The following ABI3BP variants were observed in gnomAD, a reference collection of about 807,000 sequenced individuals.
ABI3BP encodes the protein ABI family member 3 binding protein.
Under a neutral mutation model 268.6 loss-of-function variants are expected in ABI3BP, and 216 were observed. The observed-to-expected ratio is 0.80, with a 90% CI of 0.72 to 0.90. ABI3BP has a LOEUF of 0.90. Ranked by LOEUF, ABI3BP falls within the 40% of genes least tolerant of loss-of-function variation. The pLI, the probability that ABI3BP is intolerant of heterozygous loss-of-function variation, is 0.00. For synonymous variants in ABI3BP, 730 were observed against 730.0 expected, an observed-to-expected ratio of 1.00 and a Z score of 0.00; for missense variants, 2,090 against 2,182.4, an observed-to-expected ratio of 0.96 and a Z score of 0.84.
intron 38 of ABI3BP, among the ~76,000 whole-genome samples, 160 bp downstream of exon 38, chr3:100,822,429 G>A (rs2098257465): frequency 6.6e-6 from 1 of 152,218 alleles, no homozygotes; most frequent in Admixed American, 6.5e-5. Flanking sequence ...TCTCCTAACA[G>A]TGTTTCTCTT....
At chr3:100,782,171 G>A (rs949946826) in intron 57 of ABI3BP, among the ~76,000 whole-genome samples, 1 of 152,164 alleles carries the variant, frequency 6.6e-6, no homozygotes, top group Admixed American at 6.5e-5. Flanking sequence ...GCCATGCCAC[G>A]GGTGTGTGGG....
chr3:100,897,702 T>G lies in ABI3BP; in HGVS notation c.461+1060A>C, dbSNP rs574765474. Among the ~76,000 whole-genome samples the G allele has an allele frequency of 2.6e-5, 4 of 152,352 alleles. No homozygotes were observed. The East Asian group carries it at 7.7e-4, about 29-fold the overall frequency. On this transcript the variant is annotated intron_variant, in intron 4 of 67. Transcript: ENST00000471714. ...AATTTTTCTGTTTCCTGATGGGTATTGGATACATGGTTATAGGCATTTGTC... is the reference window on the plus strand; with the variant it reads ...AATTTTTCTGTTTCCTGATGGGTATGGGATACATGGTTATAGGCATTTGTC...
intron 28 of ABI3BP, 117 bp downstream of exon 28, chr3:100,835,484 G>T: frequency 1.3e-6 from 1 of 760,150 alleles, no homozygotes; most frequent in African/African-American, 1.8e-5. Context: ...ATAGTTCAAT[G>T]ACAAGAGGAT....
chr3:100,855,296 T>G (rs1336844852), intron 14 of ABI3BP, among the ~76,000 whole-genome samples: 1 of 152,144 alleles, frequency 6.6e-6, no homozygotes, highest in Non-Finnish European at 1.5e-5. Context: ...AAGCCCCCAA[T>G]AAAAATGCCC....
chr3:100,798,408 T>G (rs1352011127), intron 51 of ABI3BP, among the ~76,000 whole-genome samples: 1 of 152,102 alleles, frequency 6.6e-6, no homozygotes, highest in East Asian at 1.9e-4. Context: ...GTTTTTTCTT[T>G]TTTTCCTATG....
chr3:100,775,433 T>C (rs2096671133), intron 59 of ABI3BP, 98 bp from the exon 60 acceptor site: 1 of 1,488,890 alleles, frequency 6.7e-7, no homozygotes, highest in Non-Finnish European at 9.1e-7. Flanking sequence ...GCACTGACCA[T>C]GTGGCTTGGC....
At position 100,850,710 on chromosome 3, in the gene ABI3BP, G is replaced by C. The variant is rs757443627; in HGVS notation, c.1376C>G (p.Ser459Cys). 6.2e-7 allele frequency: 1 copy of C among 1,613,082 alleles called. No homozygotes were observed. The highest frequency in any genetic ancestry group is 2.2e-5 in the East Asian group (1 of 44,818). The change falls in exon 16 of 68, where the codon TCT becomes TGT. Residue 459 changes from serine (S) to cysteine (C), a missense_variant. Physicochemically the swap from Ser to Cys is moderately radical, Grantham distance 112 (BLOSUM62 -1). Transcript: ENST00000471714. ...AGTTCTAGAAGTTTTAGGTGGGATA[G>C]AATCCAGAATACGATCACTTGTTGC... Reference protein sequence around the residue: ...YTATSDRILDSIPPKTSRTLE... With the variant: ...YTATSDRILDCIPPKTSRTLE...
At chr3:100,789,548 C>T (rs367617344) in intron 55 of ABI3BP, 32 bp from the exon 56 acceptor site, 6 of 1,560,258 alleles carry the variant, frequency 3.8e-6, no homozygotes, top group Non-Finnish European at 4.3e-6. Context: ...TATTTAATAA[C>T]CAACAGACCA....
intron 1 of ABI3BP, among the ~76,000 whole-genome samples, chr3:100,981,782 C>G (rs1464147454): frequency 6.6e-6 from 1 of 152,052 alleles, no homozygotes; most frequent in Non-Finnish European, 1.5e-5. Context: ...TCCTCTCTGC[C>G]GATCCTGTTT....
At chr3:100,856,216 C>T (rs552687389) in intron 14 of ABI3BP, among the ~76,000 whole-genome samples, 121 of 152,284 alleles carry the variant, frequency 7.9e-4, no homozygotes, top group South Asian at 5.8e-3. Context: ...CCACTCTTAG[C>T]AAACCACCTG....
At chr3:100,856,225 T>C (rs2098938443) in intron 14 of ABI3BP, among the ~76,000 whole-genome samples, 2 of 152,320 alleles carry the variant, frequency 1.3e-5, no homozygotes, top group South Asian at 4.1e-4. Context: ...GCAAACCACC[T>C]GCTGCCAAAA....
intron 48 of ABI3BP, among the ~76,000 whole-genome samples, chr3:100,810,829 A>G (rs556353758): frequency 1.3e-5 from 2 of 152,290 alleles, no homozygotes; most frequent in Admixed American, 6.5e-5. Context: ...GGAGAAGAAA[A>G]CCACAAATAT....
intron 9 of ABI3BP, 33 bp downstream of exon 9, chr3:100,874,808 T>C: frequency 1.5e-6 from 2 of 1,338,674 alleles, no homozygotes; most frequent in Admixed American, 2.0e-5. Context: ...ACTCAGTTAC[T>C]GCAAAGTTCA....
At chr3:100,804,024 A>G (rs2097616163) in intron 51 of ABI3BP, among the ~76,000 whole-genome samples, 3 of 152,216 alleles carry the variant, frequency 2.0e-5, no homozygotes, top group African/African-American at 4.8e-5. Context: ...TTAGGAATTT[A>G]TAATAATTGT....
intron 1 of ABI3BP, among the ~76,000 whole-genome samples, chr3:100,938,640 T>C (rs1199045136): frequency 6.6e-6 from 1 of 152,144 alleles, no homozygotes; most frequent in African/African-American, 2.4e-5. Flanking sequence ...TCAGTGATGC[T>C]AGTGGAAATT....
chr3:100,867,445 T>C (rs931597640), intron 9 of ABI3BP, among the ~76,000 whole-genome samples: 1 of 151,624 alleles, frequency 6.6e-6, no homozygotes, highest in Non-Finnish European at 1.5e-5. Flanking sequence ...ATTGAGACCA[T>C]CCTGACTAAC....
intron 1 of ABI3BP, among the ~76,000 whole-genome samples, chr3:100,945,856 A>C (rs985313427): frequency 6.6e-6 from 1 of 152,156 alleles, no homozygotes; most frequent in Non-Finnish European, 1.5e-5. Flanking sequence ...AAAATTGTTC[A>C]GTCATACGGT....
rs1284425538 is a variant in ABI3BP, at chr3:100,770,862, T to A, written c.4622A>T (p.Glu1541Val). Reference protein sequence around the residue: ...VKRFPKEEATEGNATSPPQNP... With the variant: ...VKRFPKEEATVGNATSPPQNP... ...CTGTGGTGGGCTGGTGGCATTCCCCTCTGTGGCCTCCTCTTTGGGGAACCG... is the reference window on the plus strand; with the variant it reads ...CTGTGGTGGGCTGGTGGCATTCCCCACTGTGGCCTCCTCTTTGGGGAACCG... Residue 1541 changes from glutamate (E) to valine (V), a missense_variant, in exon 62 of 68, where the codon GAG becomes GTG. Glu to Val is a moderately radical substitution (Grantham distance 121). Coordinates refer to ENST00000471714, the MANE Select transcript of ABI3BP (RefSeq NM_001375547.2). 6.2e-7 allele frequency: 1 copy of A among 1,605,048 alleles called. No homozygotes were observed. The highest frequency in any genetic ancestry group is 8.5e-7 in the Non-Finnish European group (1 of 1,175,708).
chr3:100,810,430 C>T lies in ABI3BP; in HGVS notation c.3589G>A (p.Glu1197Lys), dbSNP rs958059832. 10 of 1,534,756 alleles carry T rather than the reference C, an allele frequency of 6.5e-6. No individual in the cohort carries two copies. The highest frequency in any genetic ancestry group is 2.7e-5 in the African/African-American group (2 of 72,952). ...TATTTACCAGGTTCAGTCTGAGGCT[C>T]ATCTGGGCTGGGTAGGGTTATAGAT... ...SQSITLPSPD[E>K]PQTEPAPKQT... The change falls in exon 49 of 68, where the codon GAG (glutamate) becomes AAG (lysine). Residue 1197 changes from glutamate (E) to lysine (K), a missense_variant. Physicochemically the swap from Glu to Lys is moderately conservative, Grantham distance 56 (BLOSUM62 1). Transcript: ENST00000471714.
Sources: gnomAD v4.1 joint callset for allele counts (sites outside exome capture counted in the v4.1 genomes callset) on GRCh38, gnomAD v4.1.1 for gene constraint, MANE v1.5 for transcripts, NCBI Gene and HGNC (gene_info 2026-07-23, HGNC 2026-07-21) for gene names.